Variants in GADL1 observed in about 807,000 individuals in gnomAD.
GADL1 encodes the protein acidic amino acid decarboxylase GADL1.
GADL1 carries 71 observed loss-of-function variants against 69.5 expected under a neutral mutation model. The ratio of observed to expected loss-of-function variants is 1.02; its 90% confidence interval spans 0.84 to 1.25. The LOEUF (loss-of-function observed/expected upper bound fraction) is 1.25, where lower values mean the gene tolerates loss of function less well. GADL1 is among the 50% of genes most tolerant of loss of function. The probability of loss-of-function intolerance (pLI) is 0.00; values close to 1 mark genes in which losing one functional copy is unlikely to be tolerated. For missense variants in GADL1, 737 were observed against 631.8 expected, an observed-to-expected ratio of 1.17 and a Z score of -1.79; for synonymous variants, 254 against 214.4, an observed-to-expected ratio of 1.18 and a Z score of -1.62.
At chr3:30,822,902 G>A (rs1258428291) in intron 11 of GADL1, among the ~76,000 whole-genome samples, 3 of 151,952 alleles carry the variant, frequency 2.0e-5, no homozygotes, top group Non-Finnish European at 4.4e-5. Flanking sequence ...TGAATACGCA[G>A]TAGTCTCTAC....
intron 14 of GADL1, among the ~76,000 whole-genome samples, chr3:30,772,694 G>GT (rs1696442888): frequency 6.6e-6 from 1 of 152,128 alleles, no homozygotes; most frequent in African/African-American, 2.4e-5. Flanking sequence ...GGCCAACATG[G>GT]TGAAACCCCA....
intron 11 of GADL1, among the ~76,000 whole-genome samples, chr3:30,815,548 C>T (rs1697452333): frequency 6.6e-6 from 1 of 152,130 alleles, no homozygotes; most frequent in African/African-American, 2.4e-5. Context: ...AATTTCTGTA[C>T]AACCTTGGCT....
intron 11 of GADL1, among the ~76,000 whole-genome samples, chr3:30,809,326 G>C (rs1161629880): frequency 6.6e-6 from 1 of 152,070 alleles, no homozygotes; most frequent in Non-Finnish European, 1.5e-5. Flanking sequence ...CATACAGCTT[G>C]GAGAGAGAAC....
intron 4 of GADL1, among the ~76,000 whole-genome samples, chr3:30,851,534 C>T (rs564425670): frequency 4.6e-5 from 7 of 152,116 alleles, no homozygotes; most frequent in Non-Finnish European, 8.8e-5. Context: ...TGTGTTGCTC[C>T]GGGCTGGAAC....
At chr3:30,759,945 G>C (rs1424516150) in intron 14 of GADL1, among the ~76,000 whole-genome samples, 1 of 152,176 alleles carries the variant, frequency 6.6e-6, no homozygotes, top group Admixed American at 6.5e-5. Context: ...GCCTCAGTAA[G>C]TTGAAGAAAG....
chr3:30,882,863 A>G (rs1478474714), intron 1 of GADL1, among the ~76,000 whole-genome samples: 1 of 151,794 alleles, frequency 6.6e-6, no homozygotes, highest in Non-Finnish European at 1.5e-5. Flanking sequence ...TATAGTAGCC[A>G]TCTTAATGGA....
chr3:30,812,266 C>T (rs1381506286), intron 11 of GADL1, among the ~76,000 whole-genome samples: 1 of 152,162 alleles, frequency 6.6e-6, no homozygotes, highest in Non-Finnish European at 1.5e-5. Flanking sequence ...ACAAACAAAA[C>T]CAAGAACCCT....
At chr3:30,857,663 T>C (rs1419005990) in intron 2 of GADL1, among the ~76,000 whole-genome samples, 3 of 151,952 alleles carry the variant, frequency 2.0e-5, no homozygotes, top group Non-Finnish European at 4.4e-5. Flanking sequence ...ACTTAAGCCA[T>C]GGCCATTCCT....
chr3:30,820,803 C>A (rs1011977307), intron 11 of GADL1, among the ~76,000 whole-genome samples: 1 of 151,624 alleles, frequency 6.6e-6, no homozygotes, highest in African/African-American at 2.4e-5. Context: ...ACCATTTGAC[C>A]CAGCCATCCC....
At chr3:30,790,558 A>G (rs1200946159) in intron 12 of GADL1, among the ~76,000 whole-genome samples, 1 of 152,196 alleles carries the variant, frequency 6.6e-6, no homozygotes, top group African/African-American at 2.4e-5. Context: ...TGTATTAACC[A>G]TGTTTCCCAA....
chr3:30,816,055 A>T (rs773418649), intron 11 of GADL1, among the ~76,000 whole-genome samples: 1 of 152,110 alleles, frequency 6.6e-6, no homozygotes, highest in Non-Finnish European at 1.5e-5. Context: ...ATATTTATCC[A>T]CTTGTTTTAT....
chr3:30,728,159 C>CA lies in GADL1; in HGVS notation c.*82dup. On this transcript the variant is annotated 3_prime_UTR_variant, in exon 15 of 15. Transcript: ENST00000282538. ...TCCCTATTTCTCATCAGAAGGGCTG[C>CA]AATCTACTGTGTATCTCCAAGATGT... is the stretch of plus-strand genomic sequence containing the variant. 1.6e-6 allele frequency: 2 copies of CA among 1,226,572 alleles called. No homozygotes were observed. Among genetic ancestry groups the CA allele is most frequent in the Admixed American group, 3.6e-5 (2 of 54,922 alleles). 76.0% of individuals were successfully genotyped at this position (1,226,572 alleles called of 1,614,324 possible). A position where few individuals can be genotyped will look rare whatever the true frequency, so the allele number is the denominator to read the frequency against.
chr3:30,806,356 G>A (rs532294936), intron 11 of GADL1, among the ~76,000 whole-genome samples: 3 of 152,282 alleles, frequency 2.0e-5, no homozygotes, highest in East Asian at 1.9e-4. Flanking sequence ...AAGGTGCTAA[G>A]TGTCTGGGTT....
At chr3:30,887,533 A>G (rs2125547121) in intron 1 of GADL1, among the ~76,000 whole-genome samples, 2 of 152,304 alleles carry the variant, frequency 1.3e-5, no homozygotes, top group East Asian at 3.9e-4. Flanking sequence ...CCCACAAGCA[A>G]GAAGGTTCTC....
intron 14 of GADL1, among the ~76,000 whole-genome samples, chr3:30,772,469 C>T (rs1696439040): frequency 6.6e-6 from 1 of 152,146 alleles, no homozygotes; most frequent in Non-Finnish European, 1.5e-5. Flanking sequence ...TAACATTTCC[C>T]ATCTTATCTT....
At chr3:30,882,569 T>TG (rs1281340796) in intron 1 of GADL1, among the ~76,000 whole-genome samples, 1 of 152,018 alleles carries the variant, frequency 6.6e-6, no homozygotes, top group Non-Finnish European at 1.5e-5. Context: ...ATTCATCCAA[T>TG]GATGGATACT....
At chr3:30,885,668 A>T (rs1698693962) in intron 1 of GADL1, among the ~76,000 whole-genome samples, 1 of 152,132 alleles carries the variant, frequency 6.6e-6, no homozygotes, top group African/African-American at 2.4e-5. Flanking sequence ...TTTTTCAACA[A>T]AACAGACTTC....
At chr3:30,880,525 T>C (rs1181384629) in intron 1 of GADL1, among the ~76,000 whole-genome samples, 1 of 151,948 alleles carries the variant, frequency 6.6e-6, no homozygotes, top group Admixed American at 6.6e-5. Context: ...AGATGTGCCT[T>C]TGCTCCTTCT....
intron 14 of GADL1, among the ~76,000 whole-genome samples, chr3:30,754,632 C>CAAA (rs11324385): frequency 7.3e-4 from 109 of 149,668 alleles, no homozygotes; most frequent in African/African-American, 2.5e-3. Flanking sequence ...GCCAAGAATA[C>CAAA]AAAAAAAAAA....
Sources: gnomAD v4.1 joint callset for allele counts (sites outside exome capture counted in the v4.1 genomes callset) on GRCh38, gnomAD v4.1.1 for gene constraint, MANE v1.5 for transcripts, NCBI Gene and HGNC (gene_info 2026-07-23, HGNC 2026-07-21) for gene names.